TENM2: variants seen among roughly 807,000 people sequenced by gnomAD.
TENM2 encodes teneurin-2.
In TENM2, 52 loss-of-function variants were observed where a neutral mutation model predicts 245.2. The observed-to-expected ratio is 0.21, with a 90% CI of 0.17 to 0.27. The LOEUF (loss-of-function observed/expected upper bound fraction) is 0.27. TENM2 is among the 10% of genes least tolerant of loss of function. TENM2 has a pLI of 1.00. For missense variants in TENM2, 3,046 were observed against 3,666.8 expected (o/e 0.83, Z 4.37); for synonymous variants, 1,363 against 1,438.9 (o/e 0.95, Z 1.19).
At chr5:167,401,792 C>T (rs953988567) in intron 2 of TENM2, among the ~76,000 whole-genome samples, 3 of 152,030 alleles carry the variant, frequency 2.0e-5, no homozygotes, top group South Asian at 2.1e-4. Context: ...AACTCACGGA[C>T]GAAATCAGTT....
At chr5:167,640,737 T>A (rs1156747369) in intron 2 of TENM2, among the ~76,000 whole-genome samples, 3 of 149,750 alleles carry the variant, frequency 2.0e-5, no homozygotes, top group Non-Finnish European at 4.4e-5. Flanking sequence ...TCTTGTTACG[T>A]ACACTTTTAA....
chr5:167,089,168 T>C, the TENM2 span, among the ~76,000 whole-genome samples: 1 of 152,218 alleles, frequency 6.6e-6, no homozygotes, highest in Non-Finnish European at 1.5e-5. Context: ...TTATAAATAG[T>C]GCTCAGGTTC....
the TENM2 span, among the ~76,000 whole-genome samples, chr5:167,274,259 T>C: frequency 1.1e-4 from 17 of 152,274 alleles, no homozygotes; most frequent in African/African-American, 4.1e-4. Context: ...GCCATCAAAA[T>C]GTAATCTTTA....
exon 29 of TENM2, chr5:168,262,094 T>A: frequency 6.2e-7 from 1 of 1,613,942 alleles, no homozygotes; most frequent in Non-Finnish European, 8.5e-7. Flanking sequence ...TAACCAGGCC[T>A]TCATGGCTCT....
At chr5:167,941,438 G>T (rs1277629362) in intron 3 of TENM2, among the ~76,000 whole-genome samples, 1 of 152,230 alleles carries the variant, frequency 6.6e-6, no homozygotes, top group East Asian at 1.9e-4. Flanking sequence ...TGATTATTTT[G>T]ATATTCTGTA....
the TENM2 span, among the ~76,000 whole-genome samples, chr5:167,094,948 T>G: frequency 6.6e-6 from 1 of 152,112 alleles, no homozygotes; most frequent in African/African-American, 2.4e-5. Flanking sequence ...AGGCCCTGAG[T>G]TGGGTAGCTG....
chr5:167,401,395 A>G (rs978621042), intron 2 of TENM2, among the ~76,000 whole-genome samples: 4 of 152,142 alleles, frequency 2.6e-5, no homozygotes, highest in African/African-American at 7.2e-5. Context: ...TCCTCAAATT[A>G]TAATTCTAAA....
At chr5:167,949,127 C>G (rs943194796) in intron 3 of TENM2, among the ~76,000 whole-genome samples, 4 of 152,130 alleles carry the variant, frequency 2.6e-5, no homozygotes, top group African/African-American at 9.7e-5. Flanking sequence ...AACTAGGAGT[C>G]AAAAACATAC....
intron 3 of TENM2, among the ~76,000 whole-genome samples, chr5:167,900,144 GT>G (rs1310639275): frequency 7.7e-5 from 8 of 103,744 alleles, no homozygotes; most frequent in South Asian, 3.9e-4. Context: ...GGGGGGGGGG[GT>G]TTTGGAAAGG....
At chr5:167,159,928 C>G in the TENM2 span, among the ~76,000 whole-genome samples, 1 of 152,196 alleles carries the variant, frequency 6.6e-6, no homozygotes, top group Non-Finnish European at 1.5e-5. Flanking sequence ...CACATACAAA[C>G]AGTCCCAAGA....
chr5:167,993,933 G>A (rs563028474), intron 5 of TENM2, among the ~76,000 whole-genome samples: 7 of 152,346 alleles, frequency 4.6e-5, no homozygotes, highest in Admixed American at 2.6e-4. Flanking sequence ...GGGTGTAGCC[G>A]TGTCACCACA....
chr5:167,547,473 AC>A (rs1461934716), intron 2 of TENM2, among the ~76,000 whole-genome samples: 6 of 152,146 alleles, frequency 3.9e-5, no homozygotes, highest in African/African-American at 1.4e-4. Flanking sequence ...ATGCTTCTCA[AC>A]CACACTTTTG....
In TENM2 at chr5:167,868,191, C is replaced by A. The variant is rs553269143; in HGVS notation, c.503-7795C>A. 3.3e-5 allele frequency among the ~76,000 whole-genome samples: 5 copies of A among 152,080 alleles called. No homozygotes were observed. In the East Asian group the frequency reaches 9.7e-4, roughly 30 times the overall value. On this transcript the variant is annotated intron_variant, in intron 2 of 28. Coordinates refer to ENST00000518659, the Ensembl canonical transcript of TENM2. ...TGCATTATAGGATGTTTAGCAGCAC[C>A]CCTGTCCCTACCCACCAGAAGCCAG...
chr5:167,450,463 A>G (rs578031365), intron 2 of TENM2, among the ~76,000 whole-genome samples: 1 of 152,280 alleles, frequency 6.6e-6, no homozygotes, highest in African/African-American at 2.4e-5. Flanking sequence ...ATTTCTCGTT[A>G]TTTCACTTGC....
chr5:168,204,076 T>C (rs973473229), intron 18 of TENM2, among the ~76,000 whole-genome samples: 4 of 152,114 alleles, frequency 2.6e-5, no homozygotes, highest in Non-Finnish European at 2.9e-5. Context: ...GTATGTGCCA[T>C]CATAGCTCAC....
chr5:167,982,585 T>G (rs1311255696), intron 4 of TENM2, among the ~76,000 whole-genome samples: 1 of 152,154 alleles, frequency 6.6e-6, no homozygotes, highest in Non-Finnish European at 1.5e-5. Flanking sequence ...TCTATTTTTT[T>G]AGAGGAGGCA....
At chr5:167,960,983 G>A (rs541471654) in intron 4 of TENM2, among the ~76,000 whole-genome samples, 1 of 152,332 alleles carries the variant, frequency 6.6e-6, no homozygotes, top group South Asian at 2.1e-4. Context: ...CTTCCTGGGT[G>A]AGGCGACGCC....
At chr5:167,952,556 A>C (rs771894931) in intron 3 of TENM2, 32 bp from the exon 6 acceptor site, 2 of 1,548,100 alleles carry the variant, frequency 1.3e-6, no homozygotes, top group African/African-American at 2.7e-5. Flanking sequence ...GAATTTGCAG[A>C]CGCTAACAGT....
chr5:168,242,881 C>T (rs770718175), intron 25 of TENM2, among the ~76,000 whole-genome samples: 14 of 151,638 alleles, frequency 9.2e-5, no homozygotes, highest in Admixed American at 5.3e-4. Flanking sequence ...CACTTGAACC[C>T]GGGAGACAGA....
Sources: allele counts gnomAD v4.1 joint callset (sites outside exome capture counted in the v4.1 genomes callset), GRCh38; gene constraint gnomAD v4.1.1; transcripts MANE v1.5; gene names NCBI Gene and HGNC (gene_info 2026-07-23, HGNC 2026-07-21).